The following GMNN variants were observed in gnomAD, a reference collection of about 807,000 sequenced individuals.
GMNN encodes the protein geminin.
Under a neutral mutation model 20.9 loss-of-function variants are expected in GMNN, and 14 were observed. The ratio of observed to expected loss-of-function variants is 0.67; its 90% confidence interval spans 0.44 to 1.05. GMNN has a LOEUF of 1.05. Among genes scored for constraint, GMNN ranks in the 50% least tolerant of loss-of-function variants. The pLI is 0.00. For missense variants in GMNN, 227 were observed against 243.8 expected (o/e 0.93, Z 0.46); for synonymous variants, 81 against 85.8 (o/e 0.94, Z 0.31).
At chr6:24,781,152 C>T (rs1310791519) in intron 3 of GMNN, among the ~76,000 whole-genome samples, 3 of 151,648 alleles carry the variant, frequency 2.0e-5, no homozygotes, top group Non-Finnish European at 2.9e-5. Context: ...TGCAGTGAGC[C>T]GAGGTCACAC....
At position 24,785,665 on chromosome 6, in the gene GMNN, T is replaced by C. The variant is rs778646277; in HGVS notation, c.496T>C (p.Phe166Leu). Residue 166 changes from phenylalanine to leucine, a missense_variant, in exon 7 of 7, where the codon TTT becomes CTT. Phe to Leu is a conservative substitution (Grantham distance 22). Transcript: ENST00000230056. The part of the protein sequence containing the change: ...ERLNGEPLDN[F>L]ESLDNQEFDS... ...ACTGAATGGTGAACCTCTGGATAAT[T>C]TTGAATCACTGGATAATCAGGAATT... The C allele has an allele frequency of 6.5e-7, 1 of 1,535,634 alleles. No homozygotes were observed. Among genetic ancestry groups the C allele is most frequent in the South Asian group, 1.2e-5 (1 of 85,954 alleles).
chr6:24,785,617 T>G, intron 6 of GMNN, 21 bp from the exon 7 acceptor site: 2 of 1,269,526 alleles, frequency 1.6e-6, no homozygotes, highest in Non-Finnish European at 2.2e-6. Context: ...TACAATAAAT[T>G]ATTGGTTTAT....
Position 24,785,679 on chromosome 6 carries a change from T to C in GMNN, c.510T>C (p.Asp170=). The change falls in exon 7 of 7, where the codon GAT becomes GAC. Residue 170 remains aspartate (D), a synonymous_variant. Transcript: ENST00000230056. ...CTCTGGATAATTTTGAATCACTGGA[T>C]AATCAGGAATTTGATTCTGAAGAAG... ...GEPLDNFESL[D]NQEFDSEEET... is the part of the protein sequence containing the mutation. 1 of 1,552,598 alleles carries C rather than the reference T, an allele frequency of 6.4e-7. No individual in the cohort carries two copies. The highest frequency in any genetic ancestry group is 8.8e-7 in the Non-Finnish European group (1 of 1,129,982).
intron 6 of GMNN, among the ~76,000 whole-genome samples, chr6:24,785,300 C>T (rs1160474824): frequency 6.6e-6 from 1 of 152,094 alleles, no homozygotes; most frequent in Non-Finnish European, 1.5e-5. Context: ...TGGTAGCTGT[C>T]TTAACTGCCT....
chr6:24,781,049 A>C (rs1218943775), intron 3 of GMNN, among the ~76,000 whole-genome samples: 1 of 152,018 alleles, frequency 6.6e-6, no homozygotes, highest in Non-Finnish European at 1.5e-5. Context: ...AAAAGTACAA[A>C]AAAATTAGCC....
At chr6:24,775,851 A>G (rs1780053435) in intron 1 of GMNN, 1 of 152,224 alleles carries the variant, frequency 6.6e-6, no homozygotes, top group Non-Finnish European at 1.5e-5. Flanking sequence ...AACCTAGGAC[A>G]CAGCTATCTA....
intron 3 of GMNN, 25 bp downstream of exon 3, chr6:24,780,765 G>A (rs768153218): frequency 9.0e-7 from 1 of 1,105,286 alleles, no homozygotes; most frequent in Non-Finnish European, 1.4e-6. Context: ...GCTAAAATGG[G>A]GTACTGGTGA....
At chr6:24,776,001 G>A (rs572357496) in intron 1 of GMNN, among the ~76,000 whole-genome samples, 1 of 152,164 alleles carries the variant, frequency 6.6e-6, no homozygotes, top group African/African-American at 2.4e-5. Flanking sequence ...AGAACATTGC[G>A]TAGGGTCTGT....
chr6:24,776,987 T>C, intron 1 of GMNN: 1 of 274,390 alleles, frequency 3.6e-6, no homozygotes, highest in Admixed American at 5.2e-5. Flanking sequence ...GAAATTGGTT[T>C]AAAATACATT....
intron 4 of GMNN, among the ~76,000 whole-genome samples, chr6:24,782,194 A>G (rs556457936): frequency 1.3e-5 from 2 of 152,212 alleles, no homozygotes; most frequent in Non-Finnish European, 2.9e-5. Flanking sequence ...TTTTTAGAAG[A>G]AAAATGTTTA....
At chr6:24,781,712 T>A in intron 4 of GMNN, 91 bp downstream of exon 4, 1 of 547,498 alleles carries the variant, frequency 1.8e-6, no homozygotes, top group Non-Finnish European at 3.2e-6. Flanking sequence ...CCAATTACTG[T>A]AATCTGGGGA....
chr6:24,784,663 G>T, intron 6 of GMNN, 109 bp downstream of exon 6: 1 of 538,382 alleles, frequency 1.9e-6, no homozygotes. Context: ...CAGATTTCCT[G>T]GATTTAAGAC....
At position 24,781,592 on chromosome 6, in the gene GMNN, C is replaced by A; in HGVS notation, c.245C>A (p.Thr82Asn). ...SSENKNLGGV[T>N]QESFDLMIKE... ...GAAAATAAAAATCTTGGAGGAGTCA[C>A]CCAGGAGTCATTTGATCTTATGATT... Residue 82 changes from threonine (T) to asparagine (N), a missense_variant, in exon 4 of 7, where the codon ACC becomes AAC. Coordinates refer to ENST00000230056, the MANE Select transcript of GMNN (RefSeq NM_015895.5). The A allele has an allele frequency of 6.6e-7, 1 of 1,520,578 alleles. No homozygotes were observed. Among genetic ancestry groups the A allele is most frequent in the South Asian group, 1.2e-5 (1 of 81,740 alleles). The allele number at this position is 1,520,578 out of a possible 1,614,324, so 94.2% of individuals were successfully genotyped here.
chr6:24,777,521 T>C, intron 2 of GMNN: 1 of 307,854 alleles, frequency 3.2e-6, no homozygotes, highest in Non-Finnish European at 5.9e-6. Flanking sequence ...TTCAACAGTA[T>C]TTTGTAGTTT....
intron 6 of GMNN, 101 bp downstream of exon 6, chr6:24,784,655 G>C: frequency 1.9e-6 from 1 of 538,966 alleles, no homozygotes; most frequent in African/African-American, 1.9e-5. Context: ...TCTGGAATCA[G>C]ATTTCCTGGA....
rs1200028073 is a variant in GMNN, at chr6:24,784,146, G to A, written c.334G>A (p.Glu112Lys). ...VAEKRRKALYEALKENEKLHK... is the reference protein window; with the variant it reads ...VAEKRRKALYKALKENEKLHK... ...AGAAAAACGGAGAAAGGCGCTGTAT[G>A]AAGCACTTAAGGAAAATGAGAAAGT... Residue 112 changes from glutamate (E) to lysine (K), a missense_variant, in exon 5 of 7, where the codon GAA becomes AAA. Transcript: ENST00000230056. The A allele has an allele frequency of 6.6e-7, 1 of 1,520,698 alleles. No individual in the cohort carries two copies. Among genetic ancestry groups the A allele is most frequent in the Admixed American group, 1.7e-5 (1 of 59,784 alleles). The allele number at this position is 1,520,698 out of a possible 1,614,324, so 94.2% of individuals were successfully genotyped here.
At chr6:24,785,603 T>A (rs1390860737) in intron 6 of GMNN, 35 bp from the exon 7 acceptor site, 8 of 1,163,014 alleles carry the variant, frequency 6.9e-6, no homozygotes, top group Non-Finnish European at 1.0e-5. Context: ...GGTTTTAACA[T>A]TTTTACAATA....
chr6:24,779,325 G>C (rs1028982862), intron 2 of GMNN, among the ~76,000 whole-genome samples: 5 of 152,120 alleles, frequency 3.3e-5, no homozygotes, highest in African/African-American at 1.2e-4. Flanking sequence ...AGTCTATATA[G>C]CTTATATAAA....
At chr6:24,780,850 A>G in intron 3 of GMNN, 110 bp downstream of exon 3, 1 of 651,604 alleles carries the variant, frequency 1.5e-6, no homozygotes, top group Admixed American at 2.5e-5. Flanking sequence ...TTTGGAAATA[A>G]TTTGGGAATC....
Sources: gnomAD v4.1 joint callset for allele counts (sites outside exome capture counted in the v4.1 genomes callset) on GRCh38, gnomAD v4.1.1 for gene constraint, MANE v1.5 for transcripts, NCBI Gene and HGNC (gene_info 2026-07-23, HGNC 2026-07-21) for gene names.